The following B3GALT1 variants were observed in gnomAD, a reference collection of about 807,000 sequenced individuals.
The protein encoded by B3GALT1 is beta-1,3-galactosyltransferase 1.
Under a neutral mutation model 23.2 loss-of-function variants are expected in B3GALT1, and 10 were observed. The observed-to-expected ratio is 0.43, with a 90% CI of 0.27 to 0.73. The LOEUF is 0.73. Ranked by LOEUF, B3GALT1 falls within the 30% of genes least tolerant of loss-of-function variation. The probability of loss-of-function intolerance (pLI) is 0.21; values close to 1 mark genes in which losing one functional copy is unlikely to be tolerated. For synonymous variants in B3GALT1, 156 were observed against 141.5 expected (o/e 1.10, Z -0.73); for missense variants, 299 against 405.4 (o/e 0.74, Z 2.25).
intron 2 of B3GALT1, among the ~76,000 whole-genome samples, chr2:167,629,357 T>C (rs1685399877): frequency 6.6e-6 from 1 of 151,774 alleles, no homozygotes; most frequent in Non-Finnish European, 1.5e-5. Flanking sequence ...TAAATAATTT[T>C]CCCTTGTTTT....
chr2:167,866,880 C>G (rs767530717), intron 4 of B3GALT1, among the ~76,000 whole-genome samples: 2 of 152,218 alleles, frequency 1.3e-5, no homozygotes, highest in Non-Finnish European at 2.9e-5. Context: ...GACTCACTTA[C>G]AACCTTTTGT....
intron 1 of B3GALT1, among the ~76,000 whole-genome samples, chr2:167,351,788 TCTC>T (rs2105255832): frequency 6.6e-6 from 1 of 152,294 alleles, no homozygotes; most frequent in South Asian, 2.1e-4. Context: ...TTGAAACTGT[TCTC>T]ATCTAAGTTT....
intron 1 of B3GALT1, among the ~76,000 whole-genome samples, chr2:167,476,210 C>G (rs1699483375): frequency 6.6e-6 from 1 of 152,192 alleles, no homozygotes; most frequent in South Asian, 2.1e-4. Flanking sequence ...AGAAAGAACA[C>G]TGTCAACATT....
intron 3 of B3GALT1, among the ~76,000 whole-genome samples, chr2:167,813,685 A>G (rs1057013106): frequency 1.3e-5 from 2 of 152,196 alleles, no homozygotes; most frequent in African/African-American, 4.8e-5. Context: ...GCCTTTTTCT[A>G]TAAAGAGCTC....
intron 1 of B3GALT1, among the ~76,000 whole-genome samples, chr2:167,435,187 G>A (rs925143508): frequency 1.2e-4 from 18 of 151,552 alleles, no homozygotes; most frequent in Non-Finnish European, 2.4e-4. Flanking sequence ...CATTTTTTAG[G>A]CTTTACAACA....
intron 3 of B3GALT1, chr2:167,714,197 T>G: frequency 6.6e-7 from 1 of 1,513,708 alleles, no homozygotes; most frequent in South Asian, 1.1e-5. Context: ...AAATCTGTCT[T>G]CCCTTTGTGG....
chr2:167,797,778 G>A (rs768806101), intron 3 of B3GALT1, among the ~76,000 whole-genome samples: 10 of 151,972 alleles, frequency 6.6e-5, no homozygotes, highest in African/African-American at 1.7e-4. Context: ...GCACAATCTC[G>A]GCTCACTGCA....
At chr2:167,335,188 A>G (rs1232729031) in intron 1 of B3GALT1, among the ~76,000 whole-genome samples, 1 of 145,994 alleles carries the variant, frequency 6.8e-6, no homozygotes, top group Non-Finnish European at 1.5e-5. Context: ...TTCTCAAAAG[A>G]AAAAAAAACG....
intron 1 of B3GALT1, among the ~76,000 whole-genome samples, chr2:167,305,318 T>C (rs1696533047): frequency 6.6e-6 from 1 of 152,190 alleles, no homozygotes; most frequent in Non-Finnish European, 1.5e-5. Flanking sequence ...AAGAGCTTCC[T>C]CATTCATTTT....
At chr2:167,519,733 G>A (rs1461692550) in intron 2 of B3GALT1, among the ~76,000 whole-genome samples, 1 of 152,110 alleles carries the variant, frequency 6.6e-6, no homozygotes. Context: ...GCCAATACAC[G>A]TAATCGTATC....
At chr2:167,826,563 G>A (rs534892446) in intron 4 of B3GALT1, among the ~76,000 whole-genome samples, 1 of 152,266 alleles carries the variant, frequency 6.6e-6, no homozygotes, top group East Asian at 1.9e-4. Flanking sequence ...CAGGAATGGG[G>A]TGAGTGTAAG....
chr2:167,392,882 C>G (rs1698036478), intron 1 of B3GALT1, among the ~76,000 whole-genome samples: 1 of 152,132 alleles, frequency 6.6e-6, no homozygotes, highest in African/African-American at 2.4e-5. Context: ...ATAACACACT[C>G]TCCTCTAGAA....
intron 2 of B3GALT1, chr2:167,558,263 A>T (rs920427120): frequency 5.9e-5 from 9 of 152,228 alleles, no homozygotes; most frequent in Non-Finnish European, 1.2e-4. Context: ...GAAAAGAAAA[A>T]TCAAGTTTAC....
At chr2:167,647,328 G>T (rs1313698560) in intron 3 of B3GALT1, among the ~76,000 whole-genome samples, 1 of 152,172 alleles carries the variant, frequency 6.6e-6, no homozygotes, top group African/African-American at 2.4e-5. Flanking sequence ...GCATGAACAG[G>T]AAAGGGAAGC....
At chr2:167,494,101 A>G (rs1699745751) in intron 2 of B3GALT1, among the ~76,000 whole-genome samples, 1 of 152,162 alleles carries the variant, frequency 6.6e-6, no homozygotes. Flanking sequence ...ATAGTTGTAT[A>G]TATACTTGAT....
In B3GALT1 at chr2:167,458,489, G is replaced by A. The variant is rs145374862; in HGVS notation, c.-510-31688G>A. Among the ~76,000 whole-genome samples the A allele has an allele frequency of 3.7e-3, 566 of 152,256 alleles. 5 individuals carry two copies. Among genetic ancestry groups the A allele is most frequent in the South Asian group, 0.014 (67 of 4,818 alleles). On this transcript the variant is annotated intron_variant, in intron 1 of 4. Coordinates refer to ENST00000392690, the MANE Select transcript of B3GALT1 (RefSeq NM_020981.4). ...GTACATACCCAGAAGTGGAGTTGCT[G>A]GATCATATAGTAATTCTATTTTTAA...
chr2:167,675,294 G>A (rs529117323), intron 3 of B3GALT1, among the ~76,000 whole-genome samples: 2 of 152,236 alleles, frequency 1.3e-5, no homozygotes, highest in Admixed American at 1.3e-4. Flanking sequence ...TGTCACATTG[G>A]CTCTCAACGC....
At chr2:167,804,343 A>G (rs1271324189) in intron 3 of B3GALT1, among the ~76,000 whole-genome samples, 3 of 149,394 alleles carry the variant, frequency 2.0e-5, no homozygotes, top group African/African-American at 7.4e-5. Context: ...TTTAATTATT[A>G]TACTTTAAGT....
Position 167,868,934 on chromosome 2 carries a change from C to CA in B3GALT1, c.-103dup. 7.3e-7 allele frequency: 1 copy of CA among 1,365,164 alleles called. No homozygotes were observed. Among genetic ancestry groups the CA allele is most frequent in the South Asian group, 1.5e-5 (1 of 68,638 alleles). The allele number at this position is 1,365,164 out of a possible 1,614,324, so 84.6% of individuals were successfully genotyped here. On this transcript the variant is annotated 5_prime_UTR_variant, in exon 5 of 5. An upstream open reading frame in the 5' UTR loses its in-frame stop. Coordinates refer to ENST00000392690, the MANE Select transcript of B3GALT1 (RefSeq NM_020981.4). ...CAATCTCCACCTCACGCTTCTCTATCAAACTTGAAGATTTATTAGTAATAT... is the reference window on the plus strand; with the variant it reads ...CAATCTCCACCTCACGCTTCTCTATCAAAACTTGAAGATTTATTAGTAATAT...
Sources: allele counts gnomAD v4.1 joint callset (sites outside exome capture counted in the v4.1 genomes callset), GRCh38; gene constraint gnomAD v4.1.1; transcripts MANE v1.5; gene names NCBI Gene and HGNC (gene_info 2026-07-23, HGNC 2026-07-21).